The following STRBP variants were observed in gnomAD, a reference collection of about 807,000 sequenced individuals.
STRBP encodes the protein spermatid perinuclear RNA-binding protein.
In STRBP, 13 loss-of-function variants were observed where a neutral mutation model predicts 80.1. The ratio of observed to expected loss-of-function variants is 0.16; its 90% CI spans 0.11 to 0.26. The LOEUF (loss-of-function observed/expected upper bound fraction) is 0.26, where lower values mean the gene tolerates loss of function less well. Among genes scored for constraint, STRBP ranks in the 10% least tolerant of loss-of-function variants. STRBP has a pLI of 1.00. For missense variants in STRBP, 485 were observed against 815.2 expected, an observed-to-expected ratio of 0.59 and a Z score of 4.93; for synonymous variants, 284 against 291.2, an observed-to-expected ratio of 0.98 and a Z score of 0.25.
intron 11 of STRBP, 28 bp downstream of exon 11, chr9:123,157,984 A>T (rs367923376): frequency 5.8e-6 from 9 of 1,539,218 alleles, no homozygotes; most frequent in Non-Finnish European, 8.1e-6. Flanking sequence ...GCCAACCCCC[A>T]ACCCTAATAA....
chr9:123,233,947 T>A (rs2040468967), intron 2 of STRBP, among the ~76,000 whole-genome samples: 1 of 152,318 alleles, frequency 6.6e-6, no homozygotes, highest in South Asian at 2.1e-4. Flanking sequence ...ACGCCTGTAA[T>A]ACCAGCACTT....
intron 1 of STRBP, among the ~76,000 whole-genome samples, chr9:123,260,328 G>A (rs2041133870): frequency 6.6e-6 from 1 of 152,202 alleles, no homozygotes; most frequent in African/African-American, 2.4e-5. Flanking sequence ...ACTAAAGAAG[G>A]GAGGAAAGCA....
chr9:123,266,498 T>C (rs56028551), intron 1 of STRBP, among the ~76,000 whole-genome samples: 106 of 152,126 alleles, frequency 7.0e-4, no homozygotes, highest in Admixed American at 1.8e-3. Flanking sequence ...TTAGTTATTT[T>C]TCCAACTTCT....
At chr9:123,264,016 A>G (rs2132660616) in intron 1 of STRBP, among the ~76,000 whole-genome samples, 1 of 152,310 alleles carries the variant, frequency 6.6e-6, no homozygotes, top group East Asian at 1.9e-4. Context: ...CGCCTCTACT[A>G]AAAATACAAA....
chr9:123,122,582 T>C lies in STRBP; in HGVS notation c.*3015A>G. On this transcript the variant is annotated 3_prime_UTR_variant, in exon 19 of 19. Transcript: ENST00000348403. ...CTTACTTCACCACCCATGCACTTCA[T>C]CTAGTCAGCATGAGGTATGTTGGAA... is the stretch of plus-strand genomic sequence containing the variant. 1.8e-6 allele frequency: 2 copies of C among 1,110,486 alleles called. No individual in the cohort carries two copies. Among genetic ancestry groups the C allele is most frequent in the African/African-American group, 1.7e-5 (1 of 60,306 alleles). The allele number at this position is 1,110,486 out of a possible 1,614,324, so 68.8% of individuals were successfully genotyped here.
chr9:123,153,388 G>A (rs1276201890), intron 11 of STRBP, among the ~76,000 whole-genome samples: 1 of 151,938 alleles, frequency 6.6e-6, no homozygotes, highest in Non-Finnish European at 1.5e-5. Context: ...ACGGGGTTTC[G>A]CCATGTTGGC....
intron 11 of STRBP, among the ~76,000 whole-genome samples, chr9:123,152,511 T>C (rs2037100560): frequency 6.6e-6 from 1 of 151,924 alleles, no homozygotes; most frequent in Admixed American, 6.6e-5. Flanking sequence ...TTAAATAAAC[T>C]CTAGCTCATT....
rs1028405824 is a variant in STRBP, at chr9:123,115,402, C to T, written c.*84+527G>A. ...CAGGGCTGGCAAGGAGGATCCCTAG[C>T]AGGGAGGGGGAGACCCACTGAAGCC... On this transcript the variant is annotated intron_variant and NMD_transcript_variant, in intron 3 of 3. Coordinates refer to the STRBP transcript ENST00000471564. The surrounding 1 kb of genome is among the most constrained non-coding windows in gnomAD (Gnocchi z 5.0). 6.4e-6 allele frequency: 3 copies of T among 470,874 alleles called. No homozygotes were observed. The allele number at this position is 470,874 out of a possible 1,614,324, so 29.2% of individuals were successfully genotyped here. A position where few individuals can be genotyped will look rare whatever the true frequency, so the allele number is the denominator to read the frequency against.
At chr9:123,141,768 T>A (rs1449512453) in intron 13 of STRBP, among the ~76,000 whole-genome samples, 8 of 152,360 alleles carry the variant, frequency 5.3e-5, no homozygotes, top group East Asian at 1.9e-4. Context: ...ATATAACTGG[T>A]GGATTATATC....
chr9:123,231,356 T>C (rs1201297310), intron 2 of STRBP, among the ~76,000 whole-genome samples: 4 of 152,242 alleles, frequency 2.6e-5, no homozygotes, highest in African/African-American at 4.8e-5. Flanking sequence ...AGTATCTTCT[T>C]TCCCAAACTT....
intron 3 of STRBP, among the ~76,000 whole-genome samples, chr9:123,181,922 A>C (rs1434466788): frequency 6.6e-6 from 1 of 151,836 alleles, no homozygotes; most frequent in East Asian, 1.9e-4. Context: ...TAAGTATTGA[A>C]AAAATAAATC....
intron 1 of STRBP, among the ~76,000 whole-genome samples, chr9:123,264,076 G>C (rs1045521504): frequency 2.6e-5 from 4 of 152,208 alleles, no homozygotes; most frequent in African/African-American, 9.6e-5. Context: ...CTACTCGGGA[G>C]GCTGGGGCAG....
At chr9:123,165,236 G>A (rs139969690) in intron 6 of STRBP, among the ~76,000 whole-genome samples, 12 of 140,294 alleles carry the variant, frequency 8.6e-5, no homozygotes, top group Admixed American at 7.6e-4. Context: ...AGCCGAGATC[G>A]CACCACTGCA....
intron 2 of STRBP, among the ~76,000 whole-genome samples, chr9:123,217,912 A>G (rs1311591598): frequency 6.6e-6 from 1 of 152,216 alleles, no homozygotes; most frequent in Non-Finnish European, 1.5e-5. Flanking sequence ...CAGATATTTC[A>G]ATGGCTTTAT....
chr9:123,234,554 T>C (rs2040494707), intron 2 of STRBP, among the ~76,000 whole-genome samples: 2 of 152,232 alleles, frequency 1.3e-5, no homozygotes, highest in African/African-American at 4.8e-5. Context: ...CCTGGACTTA[T>C]CACTAAAAAT....
intron 13 of STRBP, among the ~76,000 whole-genome samples, chr9:123,140,597 A>AAAAC (rs563994292): frequency 1.1e-4 from 17 of 152,178 alleles, no homozygotes; most frequent in Non-Finnish European, 1.9e-4. Flanking sequence ...CTGTCTCAAA[A>AAAAC]AAACAAACAA....
intron 2 of STRBP, among the ~76,000 whole-genome samples, chr9:123,215,891 T>G (rs2039882100): frequency 6.6e-6 from 1 of 152,198 alleles, no homozygotes; most frequent in African/African-American, 2.4e-5. Context: ...ATTCTTATAT[T>G]TCCAAAGCAC....
At chr9:123,160,928 G>T in intron 7 of STRBP, 49 bp downstream of exon 7, 1 of 1,479,098 alleles carries the variant, frequency 6.8e-7, no homozygotes. Context: ...TGTTCCAAAT[G>T]AAACTTGGAC....
intron 2 of STRBP, among the ~76,000 whole-genome samples, chr9:123,230,879 G>A (rs1352111444): frequency 6.6e-6 from 1 of 152,012 alleles, no homozygotes; most frequent in East Asian, 1.9e-4. Flanking sequence ...TTAAATTTCT[G>A]GTATTAGTAG....
Sources: gnomAD v4.1 joint callset for allele counts (sites outside exome capture counted in the v4.1 genomes callset) on GRCh38, gnomAD v4.1.1 for gene constraint, Gnocchi (gnomAD v3.1) non-coding constraint, MANE v1.5 for transcripts, NCBI Gene and HGNC (gene_info 2026-07-23, HGNC 2026-07-21) for gene names.